The following ACOXL variants were observed in gnomAD, a reference collection of about 807,000 sequenced individuals.
The protein encoded by ACOXL is acyl-coenzyme A oxidase-like protein.
A neutral mutation model predicts 71.9 loss-of-function variants in ACOXL; 70 were observed. The observed-to-expected ratio is 0.97, with a 90% CI of 0.80 to 1.19. The LOEUF (loss-of-function observed/expected upper bound fraction) is 1.19. Among genes scored for constraint, ACOXL ranks in the 50% most tolerant of loss-of-function variants. The pLI is 0.00. For missense variants in ACOXL, 703 were observed against 736.3 expected (o/e 0.95, Z 0.52); for synonymous variants, 253 against 281.6 (o/e 0.90, Z 1.02).
At chr2:110,910,940 T>G (rs953051059) in intron 11 of ACOXL, among the ~76,000 whole-genome samples, 1 of 152,222 alleles carries the variant, frequency 6.6e-6, no homozygotes, top group African/African-American at 2.4e-5. Flanking sequence ...ATTTTAATAC[T>G]GCTTAAGTCT....
chr2:111,108,957 A>G (rs1558977738), intron 17 of ACOXL, among the ~76,000 whole-genome samples: 3 of 152,224 alleles, frequency 2.0e-5, no homozygotes, highest in African/African-American at 2.4e-5. Context: ...CCTTTTTTAA[A>G]TTAATTTGTT....
chr2:110,870,130 A>AGGGC (rs1307608807), intron 10 of ACOXL, among the ~76,000 whole-genome samples: 1 of 152,170 alleles, frequency 6.6e-6, no homozygotes, highest in Non-Finnish European at 1.5e-5. Context: ...CTGGGTATTT[A>AGGGC]GGGCTGAGTC....
At chr2:110,993,889 T>C (rs2063284414) in intron 13 of ACOXL, among the ~76,000 whole-genome samples, 1 of 152,222 alleles carries the variant, frequency 6.6e-6, no homozygotes, top group South Asian at 2.1e-4. Flanking sequence ...TGATACTTAT[T>C]TTAATTTAAT....
At chr2:110,850,792 T>C (rs890570427) in intron 10 of ACOXL, among the ~76,000 whole-genome samples, 2 of 152,208 alleles carry the variant, frequency 1.3e-5, no homozygotes, top group Non-Finnish European at 2.9e-5. Context: ...ACCTTTACCA[T>C]AGACCCAGAG....
chr2:110,830,597 A>G (rs529399897), intron 9 of ACOXL, among the ~76,000 whole-genome samples: 66 of 151,730 alleles, frequency 4.3e-4, no homozygotes, highest in Non-Finnish European at 8.2e-4. Flanking sequence ...GCAGTGGCGC[A>G]ATCTCGGCTC....
intron 15 of ACOXL, among the ~76,000 whole-genome samples, chr2:111,043,223 C>T (rs980441554): frequency 6.6e-6 from 1 of 152,094 alleles, no homozygotes; most frequent in Non-Finnish European, 1.5e-5. Flanking sequence ...GTGGAGGTCC[C>T]CCGAGGGCCA....
At chr2:110,758,126 C>CA (rs1039514698) in intron 1 of ACOXL, among the ~76,000 whole-genome samples, 8 of 152,154 alleles carry the variant, frequency 5.3e-5, no homozygotes, top group African/African-American at 1.9e-4. Context: ...CCAGCTCTCC[C>CA]AGCACCATTT....
rs1057353381 is a variant in ACOXL at position 110,754,342 on chromosome 2, G to A, written c.-22-14026G>A. Among the ~76,000 whole-genome samples, 61 of 152,204 alleles carry A rather than the reference G, an allele frequency of 4.0e-4. 1 individual carries two copies. Among genetic ancestry groups the A allele is most frequent in the African/African-American group, 1.4e-3 (57 of 41,526 alleles). On this transcript the variant is annotated intron_variant, in intron 1 of 17. Coordinates refer to ENST00000439055, the MANE Select transcript of ACOXL (RefSeq NM_001142807.4). ...GTGCCTCAGCCTCTCAAAGTGCTGAGATTACAGGTGTGAGCCACCATGCTG... is the reference window on the plus strand; with the variant it reads ...GTGCCTCAGCCTCTCAAAGTGCTGAAATTACAGGTGTGAGCCACCATGCTG...
chr2:110,903,387 C>T (rs2149212915), intron 10 of ACOXL, among the ~76,000 whole-genome samples: 1 of 152,306 alleles, frequency 6.6e-6, no homozygotes. Context: ...TCCTCTATTC[C>T]TTAGGAGTTG....
At chr2:110,924,621 A>G (rs1234395432) in intron 11 of ACOXL, among the ~76,000 whole-genome samples, 1 of 152,146 alleles carries the variant, frequency 6.6e-6, no homozygotes, top group South Asian at 2.1e-4. Flanking sequence ...GCAGCAATTC[A>G]GTCACATCTT....
intron 10 of ACOXL, among the ~76,000 whole-genome samples, chr2:110,848,845 G>A (rs1182268951): frequency 6.6e-6 from 1 of 152,124 alleles, no homozygotes. Flanking sequence ...ATCTGACCAC[G>A]CCCCTCCCAC....
chr2:110,737,760 C>T (rs1677046409), intron 1 of ACOXL, among the ~76,000 whole-genome samples: 1 of 152,222 alleles, frequency 6.6e-6, no homozygotes, highest in African/African-American at 2.4e-5. Flanking sequence ...GGCCTCCTTC[C>T]ACAGCTTCAG....
chr2:110,966,452 T>A (rs896043714), intron 12 of ACOXL, among the ~76,000 whole-genome samples: 8 of 152,190 alleles, frequency 5.3e-5, no homozygotes, highest in African/African-American at 1.9e-4. Context: ...TCCCCACCCT[T>A]GGTGTCTGTG....
At chr2:111,021,193 G>T (rs1405399198) in intron 14 of ACOXL, among the ~76,000 whole-genome samples, 1 of 152,292 alleles carries the variant, frequency 6.6e-6, no homozygotes, top group East Asian at 1.9e-4. Flanking sequence ...TGGGCCAGTG[G>T]AGGAAAGCAC....
intron 13 of ACOXL, among the ~76,000 whole-genome samples, chr2:110,991,265 A>T (rs1329326688): frequency 2.0e-5 from 3 of 152,062 alleles, no homozygotes; most frequent in Non-Finnish European, 2.9e-5. Context: ...CTCATTTGTC[A>T]TTCCTAAAAT....
At chr2:110,761,777 T>G (rs1680428816) in intron 1 of ACOXL, among the ~76,000 whole-genome samples, 1 of 152,260 alleles carries the variant, frequency 6.6e-6, no homozygotes, top group South Asian at 2.1e-4. Context: ...TTTGATGGGC[T>G]AAACCATACC....
chr2:111,105,786 C>T (rs2069499166), intron 17 of ACOXL, among the ~76,000 whole-genome samples: 1 of 152,108 alleles, frequency 6.6e-6, no homozygotes, highest in South Asian at 2.1e-4. Context: ...AACATGTTAT[C>T]TGCAAATAGA....
At chr2:110,798,871 AT>A in intron 6 of ACOXL, 142 bp from the exon 7 acceptor site, 1 of 1,137,602 alleles carries the variant, frequency 8.8e-7, no homozygotes, top group Non-Finnish European at 1.3e-6. Flanking sequence ...TTATCATTAC[AT>A]TTTGACATTA....
chr2:111,068,709 C>T (rs35812219), intron 16 of ACOXL, among the ~76,000 whole-genome samples: 11,801 of 152,208 alleles, frequency 0.078, 586 homozygotes, highest in Non-Finnish European at 0.11. Flanking sequence ...AGATGGTCAC[C>T]GACGGGTTTC....
Sources: gnomAD v4.1 joint callset for allele counts (sites outside exome capture counted in the v4.1 genomes callset) on GRCh38, gnomAD v4.1.1 for gene constraint, MANE v1.5 for transcripts, NCBI Gene and HGNC (gene_info 2026-07-23, HGNC 2026-07-21) for gene names.